The following TENM3 variants were observed in gnomAD, a reference collection of about 807,000 sequenced individuals.
TENM3 encodes the protein teneurin transmembrane protein 3.
A neutral mutation model predicts 255.1 loss-of-function variants in TENM3; 63 were observed. The ratio of observed to expected loss-of-function variants is 0.25; its 90% confidence interval spans 0.20 to 0.30. TENM3 has a LOEUF of 0.30. Among genes scored for constraint, TENM3 ranks in the 10% least tolerant of loss-of-function variants. The pLI is 1.00. For synonymous variants in TENM3, 1,306 were observed against 1,322.3 expected, an observed-to-expected ratio of 0.99 and a Z score of 0.27; for missense variants, 2,929 against 3,461.1, an observed-to-expected ratio of 0.85 and a Z score of 3.86.
the TENM3 span, among the ~76,000 whole-genome samples, chr4:182,075,001 C>T: frequency 0.028 from 4,205 of 152,116 alleles, 95 homozygotes; most frequent in South Asian, 0.061. Flanking sequence ...CCAGTGTCCA[C>T]GGGGGTTATG....
intron 12 of TENM3, chr4:182,707,742 A>G (rs2152659837): frequency 6.6e-6 from 1 of 152,210 alleles, no homozygotes; most frequent in South Asian, 2.1e-4. Flanking sequence ...TAGGCTTGAA[A>G]CCCGAATACT....
chr4:182,668,153 C>T (rs147147378), intron 6 of TENM3, among the ~76,000 whole-genome samples: 6 of 152,168 alleles, frequency 3.9e-5, no homozygotes, highest in South Asian at 2.1e-4. Context: ...CAGGGAAAGT[C>T]GCTGAAGCCC....
chr4:182,393,613 T>C (rs1358618313), intron 3 of TENM3, among the ~76,000 whole-genome samples: 1 of 152,216 alleles, frequency 6.6e-6, no homozygotes, highest in Non-Finnish European at 1.5e-5. Flanking sequence ...ACAAAACAGC[T>C]AATGGACTTC....
At chr4:181,854,492 T>C in the TENM3 span, among the ~76,000 whole-genome samples, 8 of 151,910 alleles carry the variant, frequency 5.3e-5, no homozygotes, top group African/African-American at 7.3e-5. Flanking sequence ...CCCATTTTTT[T>C]CCCCTTTCCA....
At chr4:181,955,374 T>C in the TENM3 span, among the ~76,000 whole-genome samples, 6 of 152,190 alleles carry the variant, frequency 3.9e-5, no homozygotes, top group Admixed American at 6.5e-5. Flanking sequence ...GTGAGCCTGA[T>C]GCTCAAGCCT....
intron 4 of TENM3, among the ~76,000 whole-genome samples, chr4:182,603,378 A>T (rs1291097943): frequency 6.6e-6 from 1 of 152,158 alleles, no homozygotes. Context: ...TAATCTAAAA[A>T]TTTGTTGTTA....
At chr4:182,318,168 G>A (rs1333074459) in intron 1 of TENM3, among the ~76,000 whole-genome samples, 1 of 152,100 alleles carries the variant, frequency 6.6e-6, no homozygotes, top group African/African-American at 2.4e-5. Context: ...ACAGAAAACA[G>A]ATAAAAATGG....
At chr4:182,397,139 A>G (rs1387006137) in intron 3 of TENM3, among the ~76,000 whole-genome samples, 1 of 151,878 alleles carries the variant, frequency 6.6e-6, no homozygotes, top group Non-Finnish European at 1.5e-5. Flanking sequence ...TAAAAAAGGG[A>G]AAAATCTATA....
At chr4:181,605,584 G>GAAAGAAAA in the TENM3 span, among the ~76,000 whole-genome samples, 156 of 69,162 alleles carry the variant, frequency 2.3e-3, 24 homozygotes, top group African/African-American at 7.2e-3. Flanking sequence ...GAGAAAGAAA[G>GAAAGAAAA]GAAAGAAAGA....
chr4:181,972,993 A>G, the TENM3 span, among the ~76,000 whole-genome samples: 1 of 152,194 alleles, frequency 6.6e-6, no homozygotes, highest in Non-Finnish European at 1.5e-5. Context: ...AATCTAGTCC[A>G]TTAATAGGCC....
the TENM3 span, among the ~76,000 whole-genome samples, chr4:181,778,538 G>C: frequency 1.3e-5 from 2 of 152,078 alleles, no homozygotes; most frequent in Non-Finnish European, 2.9e-5. Flanking sequence ...TGTTTCCCTG[G>C]CATGACTCAG....
the TENM3 span, among the ~76,000 whole-genome samples, chr4:181,785,819 C>T: frequency 5.3e-5 from 8 of 151,480 alleles, no homozygotes; most frequent in African/African-American, 1.9e-4. Context: ...CACACATACA[C>T]ACACACACAC....
intron 3 of TENM3, among the ~76,000 whole-genome samples, chr4:182,597,520 C>T (rs1324713287): frequency 6.6e-6 from 1 of 152,134 alleles, no homozygotes; most frequent in East Asian, 1.9e-4. Context: ...CTTAAAAATA[C>T]TCTAAATCAT....
intron 11 of TENM3, among the ~76,000 whole-genome samples, chr4:182,685,143 G>T (rs1756479438): frequency 1.3e-5 from 2 of 152,100 alleles, no homozygotes; most frequent in East Asian, 3.9e-4. Flanking sequence ...TTTTCATCCT[G>T]AGTTCTCCTT....
chr4:181,682,779 C>G, the TENM3 span, among the ~76,000 whole-genome samples: 2 of 152,088 alleles, frequency 1.3e-5, no homozygotes, highest in Non-Finnish European at 2.9e-5. Flanking sequence ...CAAATTCCAG[C>G]CAAACATGAT....
At chr4:182,520,955 A>T (rs1453099047) in intron 3 of TENM3, among the ~76,000 whole-genome samples, 1 of 152,142 alleles carries the variant, frequency 6.6e-6, no homozygotes, top group Non-Finnish European at 1.5e-5. Context: ...GGAATAATAG[A>T]AAATCTCCAA....
At chr4:181,753,477 T>C in the TENM3 span, among the ~76,000 whole-genome samples, 1 of 151,778 alleles carries the variant, frequency 6.6e-6, no homozygotes, top group Non-Finnish European at 1.5e-5. Flanking sequence ...GCTAGTGGTC[T>C]AGTTAACAGT....
intron 3 of TENM3, among the ~76,000 whole-genome samples, chr4:182,456,784 C>A (rs993668846): frequency 6.6e-6 from 1 of 152,104 alleles, no homozygotes; most frequent in Admixed American, 6.6e-5. Flanking sequence ...GAAGGACTGA[C>A]AAATGTTTTG....
At chr4:181,623,222 C>A in the TENM3 span, among the ~76,000 whole-genome samples, 1 of 152,168 alleles carries the variant, frequency 6.6e-6, no homozygotes, top group Non-Finnish European at 1.5e-5. Flanking sequence ...AGATAAGTTA[C>A]TTAACCTCTC....
Sources: gnomAD v4.1 joint callset for allele counts (sites outside exome capture counted in the v4.1 genomes callset) on GRCh38, gnomAD v4.1.1 for gene constraint, MANE v1.5 for transcripts, NCBI Gene and HGNC (gene_info 2026-07-23, HGNC 2026-07-21) for gene names.